NRXN3: variants seen among roughly 807,000 people sequenced by gnomAD.
The protein encoded by NRXN3 is neurexin 3.
Under a neutral mutation model 137.6 loss-of-function variants are expected in NRXN3, and 32 were observed. The observed-to-expected ratio is 0.23, with a 90% CI of 0.18 to 0.31. The LOEUF (loss-of-function observed/expected upper bound fraction) is 0.31. NRXN3 is among the 10% of genes least tolerant of loss of function. The pLI is 1.00. For missense variants in NRXN3, 1,574 were observed against 2,062.5 expected, an observed-to-expected ratio of 0.76 and a Z score of 4.59; for synonymous variants, 798 against 784.5, an observed-to-expected ratio of 1.02 and a Z score of -0.29.
chr14:78,897,468 C>A (rs2099180700), intron 10 of NRXN3, among the ~76,000 whole-genome samples: 1 of 151,450 alleles, frequency 6.6e-6, no homozygotes, highest in South Asian at 2.1e-4. Flanking sequence ...AAAGCTTATC[C>A]CTAGAATTGA....
At chr14:79,745,877 T>G (rs2098978246) in intron 19 of NRXN3, among the ~76,000 whole-genome samples, 1 of 152,136 alleles carries the variant, frequency 6.6e-6, no homozygotes, top group Admixed American at 6.6e-5. Flanking sequence ...CATCACATGG[T>G]GTTCTCCCTG....
intron 15 of NRXN3, among the ~76,000 whole-genome samples, chr14:79,436,981 C>T (rs1416439225): frequency 6.6e-6 from 1 of 152,144 alleles, no homozygotes; most frequent in Non-Finnish European, 1.5e-5. Context: ...GTGTTGCAAA[C>T]CTTGTTGTGG....
chr14:79,476,016 A>T (rs914504828), intron 16 of NRXN3, among the ~76,000 whole-genome samples: 2 of 152,092 alleles, frequency 1.3e-5, no homozygotes, highest in Admixed American at 6.6e-5. Context: ...AGCCTCCCTT[A>T]ACACCATCAG....
chr14:78,427,652 C>T (rs1206866649), intron 4 of NRXN3, among the ~76,000 whole-genome samples: 1 of 152,148 alleles, frequency 6.6e-6, no homozygotes, highest in Non-Finnish European at 1.5e-5. Context: ...TTGCTGATGT[C>T]ACAGAGCAGA....
chr14:79,804,629 C>A (rs892205005), intron 19 of NRXN3, among the ~76,000 whole-genome samples: 1 of 152,164 alleles, frequency 6.6e-6, no homozygotes, highest in African/African-American at 2.4e-5. Flanking sequence ...CCACAGCATT[C>A]ATTAATTATG....
intron 15 of NRXN3, among the ~76,000 whole-genome samples, chr14:79,358,624 A>AGAAAGAAAGAAAGAAG (rs2093553952): frequency 7.1e-6 from 1 of 141,368 alleles, no homozygotes; most frequent in African/African-American, 2.5e-5. Context: ...AAAGAAAGAA[A>AGAAAGAAAGAAAGAAG]GAAAGAAAGA....
At chr14:79,151,028 T>C (rs2059752822) in intron 15 of NRXN3, among the ~76,000 whole-genome samples, 1 of 152,064 alleles carries the variant, frequency 6.6e-6, no homozygotes, top group Admixed American at 6.6e-5. Context: ...AAAGTCCTTT[T>C]GTTTAAAAAT....
chr14:78,927,150 C>CTCTTGAGGAAA (rs546385554), intron 10 of NRXN3, among the ~76,000 whole-genome samples: 1 of 111,724 alleles, frequency 9.0e-6, no homozygotes, highest in Non-Finnish European at 1.8e-5. Flanking sequence ...GTGAGACCCT[C>CTCTTGAGGAAA]AAAAAAAAAA....
chr14:78,343,059 T>C (rs2082314642), intron 4 of NRXN3, among the ~76,000 whole-genome samples: 1 of 152,136 alleles, frequency 6.6e-6, no homozygotes. Context: ...AAAGCAAATT[T>C]CTTGAGCCTC....
At chr14:78,944,777 GCTA>G (rs2099361959) in intron 10 of NRXN3, among the ~76,000 whole-genome samples, 1 of 152,142 alleles carries the variant, frequency 6.6e-6, no homozygotes, top group African/African-American at 2.4e-5. Flanking sequence ...TTCGTTGAAA[GCTA>G]CTAAGTTTGT....
intron 15 of NRXN3, among the ~76,000 whole-genome samples, chr14:79,126,716 T>C (rs1596256433): frequency 6.6e-6 from 1 of 152,136 alleles, no homozygotes; most frequent in Admixed American, 6.5e-5. Flanking sequence ...GGTCAAATGG[T>C]ATTTCTAGTT....
chr14:79,606,004 G>A (rs779127574), intron 16 of NRXN3, among the ~76,000 whole-genome samples: 49 of 152,176 alleles, frequency 3.2e-4, no homozygotes, highest in Non-Finnish European at 6.8e-4. Context: ...AAAGTAGAAG[G>A]AGCTTGAACT....
Position 78,751,954 on chromosome 14 carries a change from A to G in NRXN3, c.2044+36815A>G, listed in dbSNP as rs1325801006. On this transcript the variant is annotated intron_variant, in intron 8 of 20. Coordinates refer to ENST00000335750, the MANE Select transcript of NRXN3 (RefSeq NM_001330195.2). ...GGAAATGGATAGAGGAGTGGATCCC[A>G]GGATGCAAACTGGCAGAATCCCAGT... Among the ~76,000 whole-genome samples, 14 of 152,330 alleles carry G rather than the reference A, an allele frequency of 9.2e-5. No homozygotes were observed. The South Asian group carries it at 2.7e-3, about 29-fold the overall frequency.
chr14:79,431,459 G>T (rs1309015884), intron 15 of NRXN3, among the ~76,000 whole-genome samples: 2 of 152,124 alleles, frequency 1.3e-5, no homozygotes, highest in Admixed American at 6.5e-5. Context: ...GTACTACACT[G>T]TCTACATTTA....
intron 6 of NRXN3, among the ~76,000 whole-genome samples, chr14:78,674,707 G>T (rs999000946): frequency 6.6e-6 from 1 of 152,158 alleles, no homozygotes; most frequent in Non-Finnish European, 1.5e-5. Context: ...GGGAGAGGGG[G>T]TTGGAGAGGC....
chr14:78,297,868 C>A lies in NRXN3; in HGVS notation c.757+8C>A. The A allele has an allele frequency of 2.0e-6, 3 of 1,536,398 alleles. No individual in the cohort carries two copies. The highest frequency in any genetic ancestry group is 2.6e-6 in the Non-Finnish European group (3 of 1,146,944). Reference sequence around the variant, plus strand: ...TCATGATGAGTGAACAAGGTAGGTGCTTTGTGCTTGTGGTCCTGCAGCTGC... The same window carrying A: ...TCATGATGAGTGAACAAGGTAGGTGATTTGTGCTTGTGGTCCTGCAGCTGC... On this transcript the variant is annotated splice_region_variant and intron_variant, in intron 4 of 20. Transcript: ENST00000335750.
chr14:78,217,286 A>G (rs2063389916), intron 1 of NRXN3, among the ~76,000 whole-genome samples: 1 of 152,222 alleles, frequency 6.6e-6, no homozygotes, highest in African/African-American at 2.4e-5. Context: ...TTTTTTAAGA[A>G]CAAAAATATT....
chr14:78,595,632 A>G (rs2097152264), intron 4 of NRXN3, among the ~76,000 whole-genome samples: 1 of 152,180 alleles, frequency 6.6e-6, no homozygotes, highest in African/African-American at 2.4e-5. Context: ...GCTTCTGTAG[A>G]CATTGTCTTG....
chr14:78,962,346 C>G (rs2099409708), intron 11 of NRXN3, among the ~76,000 whole-genome samples: 1 of 151,726 alleles, frequency 6.6e-6, no homozygotes. Flanking sequence ...ACAGTGCTTG[C>G]CTTATATGGA....
Sources: allele counts gnomAD v4.1 joint callset (sites outside exome capture counted in the v4.1 genomes callset), GRCh38; gene constraint gnomAD v4.1.1; transcripts MANE v1.5; gene names NCBI Gene and HGNC (gene_info 2026-07-23, HGNC 2026-07-21).